The following BBOX1 variants were observed in gnomAD, a reference collection of about 807,000 sequenced individuals.
The protein encoded by BBOX1 is gamma-butyrobetaine dioxygenase.
Under a neutral mutation model 41.6 loss-of-function variants are expected in BBOX1, and 35 were observed. The ratio of observed to expected loss-of-function variants is 0.84; its 90% confidence interval spans 0.64 to 1.11. The LOEUF is 1.11. Among genes scored for constraint, BBOX1 ranks in the 50% most tolerant of loss-of-function variants. The pLI, the probability that BBOX1 is intolerant of heterozygous loss-of-function variation, is 0.00. For missense variants in BBOX1, 458 were observed against 460.6 expected (o/e 0.99, Z 0.05); for synonymous variants, 163 against 154.7 (o/e 1.05, Z -0.40).
At chr11:27,107,419 T>A (rs1858909623) in intron 5 of BBOX1, among the ~76,000 whole-genome samples, 1 of 152,000 alleles carries the variant, frequency 6.6e-6, no homozygotes, top group Non-Finnish European at 1.5e-5. Flanking sequence ...TAAAACAGCA[T>A]CTATGATAAA....
At chr11:27,080,244 G>T (rs982509983) in intron 4 of BBOX1, among the ~76,000 whole-genome samples, 6 of 151,858 alleles carry the variant, frequency 4.0e-5, no homozygotes, top group African/African-American at 9.7e-5. Flanking sequence ...TTGATTTAAG[G>T]GTATCTGAAC....
intron 7 of BBOX1, among the ~76,000 whole-genome samples, chr11:27,122,867 TTTAA>T (rs1374996694): frequency 6.6e-6 from 1 of 152,146 alleles, no homozygotes; most frequent in Non-Finnish European, 1.5e-5. Context: ...TTGGTTTAAG[TTTAA>T]TTAATTTGTC....
intron 4 of BBOX1, among the ~76,000 whole-genome samples, chr11:27,082,516 C>T (rs58433539): frequency 0.071 from 10,767 of 152,104 alleles, 1,252 homozygotes; most frequent in African/African-American, 0.24. Flanking sequence ...TCCTTTGGTG[C>T]GTGTTTTCCT....
intron 2 of BBOX1, among the ~76,000 whole-genome samples, chr11:27,050,796 G>C (rs1276697575): frequency 1.3e-5 from 2 of 152,010 alleles, no homozygotes; most frequent in African/African-American, 4.8e-5. Flanking sequence ...GACAATTTTA[G>C]TTCTTCCTTT....
intron 5 of BBOX1, among the ~76,000 whole-genome samples, chr11:27,111,634 C>T (rs1379593113): frequency 6.6e-6 from 1 of 151,666 alleles, no homozygotes; most frequent in Non-Finnish European, 1.5e-5. Flanking sequence ...TCATTTAGTA[C>T]ATTCACAATT....
At chr11:27,123,473 G>C (rs1025075336) in intron 7 of BBOX1, among the ~76,000 whole-genome samples, 1 of 151,950 alleles carries the variant, frequency 6.6e-6, no homozygotes, top group Non-Finnish European at 1.5e-5. Context: ...TGAAACAGAC[G>C]ACCCCCCCAG....
Position 27,112,910 on chromosome 11 carries a change from G to A in BBOX1, c.534-2542G>A, listed in dbSNP as rs532133119. On this transcript the variant is annotated intron_variant, in intron 5 of 8. Transcript: ENST00000263182. ...TAAAATATTTGCAAAGTATATATCT[G>A]ACCAAAGTCTAATATCCAGAATCTA... Among the ~76,000 whole-genome samples, 5 of 151,958 alleles carry A rather than the reference G, an allele frequency of 3.3e-5. No homozygotes were observed. The South Asian group carries it at 1.0e-3, about 32-fold the overall frequency.
At chr11:27,090,635 A>C (rs1265525352) in intron 4 of BBOX1, among the ~76,000 whole-genome samples, 1 of 151,902 alleles carries the variant, frequency 6.6e-6, no homozygotes, top group Non-Finnish European at 1.5e-5. Flanking sequence ...AAACATCTTA[A>C]ACAACAGAAA....
In BBOX1 at chr11:27,127,344, A is replaced by G. The variant is rs1158949969; in HGVS notation, c.1055A>G (p.Tyr352Cys). 9 of 1,614,084 alleles carry G rather than the reference A, an allele frequency of 5.6e-6. No homozygotes were observed. Among genetic ancestry groups the G allele is most frequent in the Non-Finnish European group, 7.6e-6 (9 of 1,180,034 alleles). Residue 352 changes from tyrosine to cysteine, a missense_variant, in exon 9 of 9, where the codon TAT (tyrosine) becomes TGT (cysteine). Tyr to Cys is a radical substitution (Grantham distance 194). Transcript: ENST00000263182. ...NWRLLHGRRS[Y>C]EAGTEISRHL... ...CGCTTACTTCATGGCCGACGTAGCTATGAAGCAGGAACTGAGATATCCCGC... is the reference window on the plus strand; with the variant it reads ...CGCTTACTTCATGGCCGACGTAGCTGTGAAGCAGGAACTGAGATATCCCGC...
intron 4 of BBOX1, among the ~76,000 whole-genome samples, chr11:27,083,900 G>T (rs1857940148): frequency 6.6e-6 from 1 of 152,132 alleles, no homozygotes; most frequent in South Asian, 2.1e-4. Context: ...GAGAAGTCAG[G>T]CAACCAGAGC....
chr11:27,044,861 C>A (rs1471119971), intron 2 of BBOX1, among the ~76,000 whole-genome samples: 1 of 152,122 alleles, frequency 6.6e-6, no homozygotes, highest in East Asian at 1.9e-4. Context: ...AGTCAGGTAG[C>A]ATGATGCCTC....
chr11:27,077,480 C>T (rs1225772863), intron 4 of BBOX1, among the ~76,000 whole-genome samples: 1 of 151,994 alleles, frequency 6.6e-6, no homozygotes, highest in African/African-American at 2.4e-5. Context: ...TTTCAAAGGG[C>T]CTGTGGTTTC....
At chr11:27,098,534 T>C (rs11821389) in intron 5 of BBOX1, among the ~76,000 whole-genome samples, 49,701 of 151,986 alleles carry the variant, frequency 0.33, 10,358 homozygotes, top group African/African-American at 0.59. Flanking sequence ...GAACAACACT[T>C]GTGTAAGATG....
intron 5 of BBOX1, among the ~76,000 whole-genome samples, chr11:27,113,674 G>A (rs563445338): frequency 2.7e-4 from 41 of 151,740 alleles, no homozygotes; most frequent in Admixed American, 1.1e-3. Flanking sequence ...TTGGGAAGAC[G>A]GTGAGGATCA....
intron 2 of BBOX1, among the ~76,000 whole-genome samples, chr11:27,043,028 C>T (rs1442836168): frequency 6.6e-6 from 1 of 152,130 alleles, no homozygotes; most frequent in Non-Finnish European, 1.5e-5. Context: ...TAACACACAA[C>T]AATCTTGAGA....
chr11:27,053,496 T>C (rs1856877449), intron 2 of BBOX1, among the ~76,000 whole-genome samples: 1 of 152,230 alleles, frequency 6.6e-6, no homozygotes, highest in African/African-American at 2.4e-5. Flanking sequence ...CTAAAAGATA[T>C]GCCGTCCGGC....
At chr11:27,061,576 T>C (rs1454479369) in intron 4 of BBOX1, among the ~76,000 whole-genome samples, 1 of 152,210 alleles carries the variant, frequency 6.6e-6, no homozygotes, top group African/African-American at 2.4e-5. Flanking sequence ...ACAAACTCAG[T>C]TACATTTGTG....
intron 4 of BBOX1, among the ~76,000 whole-genome samples, chr11:27,067,113 A>G (rs1430480157): frequency 6.6e-6 from 1 of 152,176 alleles, no homozygotes; most frequent in Non-Finnish European, 1.5e-5. Context: ...TGCACCATAC[A>G]TATCAACTCA....
intron 5 of BBOX1, among the ~76,000 whole-genome samples, chr11:27,106,248 C>A (rs960730124): frequency 5.9e-5 from 9 of 151,766 alleles, no homozygotes; most frequent in Non-Finnish European, 1.2e-4. Context: ...ACAATACTAA[C>A]CTTAAATGTA....
Sources: gnomAD v4.1 joint callset for allele counts (sites outside exome capture counted in the v4.1 genomes callset) on GRCh38, gnomAD v4.1.1 for gene constraint, MANE v1.5 for transcripts, NCBI Gene and HGNC (gene_info 2026-07-23, HGNC 2026-07-21) for gene names.